ARFGEF3: variants seen among roughly 807,000 people sequenced by gnomAD.
The protein encoded by ARFGEF3 is brefeldin A-inhibited guanine nucleotide-exchange protein 3.
ARFGEF3 carries 96 observed loss-of-function variants against 221.7 expected under a neutral mutation model. That is an observed-to-expected ratio of 0.43 (90% CI 0.37 to 0.51). The LOEUF is 0.51. ARFGEF3 is among the 20% of genes least tolerant of loss of function. ARFGEF3 has a pLI of 0.00. For missense variants in ARFGEF3, 2,410 were observed against 2,789.9 expected, an observed-to-expected ratio of 0.86 and a Z score of 3.07; for synonymous variants, 1,145 against 1,126.8, an observed-to-expected ratio of 1.02 and a Z score of -0.32.
At chr6:138,325,489 C>G (rs1780110492) in intron 31 of ARFGEF3, among the ~76,000 whole-genome samples, 1 of 152,186 alleles carries the variant, frequency 6.6e-6, no homozygotes, top group African/African-American at 2.4e-5. Context: ...CCCACTGAAG[C>G]CTCCGTGGCC....
intron 29 of ARFGEF3, among the ~76,000 whole-genome samples, chr6:138,321,935 G>A (rs759331881): frequency 5.3e-5 from 8 of 152,160 alleles, no homozygotes; most frequent in Non-Finnish European, 1.2e-4. Flanking sequence ...CAATCATGGC[G>A]GAAGGCAAGG....
chr6:138,283,893 G>C (rs2114624492), intron 14 of ARFGEF3, among the ~76,000 whole-genome samples: 1 of 152,304 alleles, frequency 6.6e-6, no homozygotes, highest in South Asian at 2.1e-4. Context: ...TTTTGGTTCT[G>C]ATAGTTGCTG....
At position 138,296,859 on chromosome 6, in the gene ARFGEF3, C is replaced by A; in HGVS notation, c.3552C>A (p.Arg1184=). The change falls in exon 21 of 34, where the codon CGC becomes CGA. Residue 1184 remains arginine (R), a synonymous_variant. Transcript: ENST00000251691. ...GAAAAAGCGCCCTCCACCTGTTCCG[C>A]CTGGGGAATGCCATGCTGAGGATTG... ...QDRKSALHLF[R]LGNAMLRIVR... is the part of the protein sequence containing the mutation. 1 of 1,614,010 alleles carries A rather than the reference C, an allele frequency of 6.2e-7. No homozygotes were observed. Among genetic ancestry groups the A allele is most frequent in the Non-Finnish European group, 8.5e-7 (1 of 1,179,892 alleles).
At chr6:138,192,684 A>G (rs1777330746) in intron 2 of ARFGEF3, among the ~76,000 whole-genome samples, 1 of 152,236 alleles carries the variant, frequency 6.6e-6, no homozygotes, top group Non-Finnish European at 1.5e-5. Context: ...GCAGGACAAG[A>G]CAGAGCTGGG....
At chr6:138,200,403 C>G (rs1040035149) in intron 2 of ARFGEF3, among the ~76,000 whole-genome samples, 4 of 152,176 alleles carry the variant, frequency 2.6e-5, no homozygotes, top group Non-Finnish European at 5.9e-5. Context: ...CTGGAGGCAT[C>G]ACACTACCTG....
intron 12 of ARFGEF3, among the ~76,000 whole-genome samples, chr6:138,267,956 T>G (rs1425083094): frequency 6.6e-6 from 1 of 152,230 alleles, no homozygotes; most frequent in African/African-American, 2.4e-5. Context: ...CATCACAGTA[T>G]TTTTCTATTC....
intron 2 of ARFGEF3, among the ~76,000 whole-genome samples, chr6:138,194,077 G>C (rs545834686): frequency 4.6e-4 from 70 of 152,224 alleles, no homozygotes; most frequent in Non-Finnish European, 9.1e-4. Flanking sequence ...AGACCAGCCT[G>C]AACAACATGA....
intron 24 of ARFGEF3, among the ~76,000 whole-genome samples, chr6:138,310,960 C>T (rs748389243): frequency 4.6e-5 from 7 of 152,220 alleles, no homozygotes; most frequent in Non-Finnish European, 4.4e-5. Context: ...GAGAGAGAAG[C>T]GCTTCATTCC....
At chr6:138,269,979 T>C (rs1778972074) in intron 12 of ARFGEF3, among the ~76,000 whole-genome samples, 1 of 152,142 alleles carries the variant, frequency 6.6e-6, no homozygotes, top group Admixed American at 6.5e-5. Flanking sequence ...TCCTCAGGTT[T>C]CCTCATGAAC....
rs1037475804 is a variant in ARFGEF3 at position 138,298,410 on chromosome 6, T to C, written c.3649-196T>C. Among the ~76,000 whole-genome samples the C allele has an allele frequency of 2.6e-5, 4 of 152,258 alleles. No homozygotes were observed. In the East Asian group the frequency reaches 5.8e-4, roughly 22 times the overall value. ...AAACATTAACATGAAATTGAGGTTG[T>C]ACCTGATAAGCTGGTTGAATTGTTA... On this transcript the variant is annotated intron_variant, in intron 21 of 33. Transcript: ENST00000251691.
chr6:138,225,561 C>T (rs890857763), intron 4 of ARFGEF3, among the ~76,000 whole-genome samples: 2 of 152,188 alleles, frequency 1.3e-5, no homozygotes, highest in African/African-American at 4.8e-5. Flanking sequence ...CTCCAATAGA[C>T]GGTGCGAGTT....
chr6:138,245,030 G>A (rs931348126), intron 7 of ARFGEF3, among the ~76,000 whole-genome samples: 3 of 152,140 alleles, frequency 2.0e-5, no homozygotes, highest in Admixed American at 6.5e-5. Context: ...AGCCAGGCGC[G>A]GTGGTTCATG....
At chr6:138,234,203 C>G (rs1019118852) in intron 5 of ARFGEF3, among the ~76,000 whole-genome samples, 3 of 152,140 alleles carry the variant, frequency 2.0e-5, no homozygotes, top group Non-Finnish European at 2.9e-5. Flanking sequence ...CTCAGCCAAC[C>G]TTCTGTAGAC....
At chr6:138,272,826 T>C (rs1779029542) in intron 12 of ARFGEF3, among the ~76,000 whole-genome samples, 1 of 152,264 alleles carries the variant, frequency 6.6e-6, no homozygotes, top group South Asian at 2.1e-4. Flanking sequence ...AAAATTGGTA[T>C]AAATCTATTT....
intron 22 of ARFGEF3, among the ~76,000 whole-genome samples, chr6:138,304,083 G>A (rs139836581): frequency 6.6e-6 from 1 of 152,096 alleles, no homozygotes; most frequent in African/African-American, 2.4e-5. Context: ...TAGCCAGAAA[G>A]TTAGAAACAA....
At chr6:138,278,390 A>G (rs920499374) in intron 12 of ARFGEF3, 61 bp from the exon 13 acceptor site, 1 of 1,525,112 alleles carries the variant, frequency 6.6e-7, no homozygotes, top group Non-Finnish European at 9.0e-7. Context: ...AGCTCTCTGG[A>G]AGCCAGCCTT....
chr6:138,237,723 T>C (rs1168231036), intron 5 of ARFGEF3, among the ~76,000 whole-genome samples: 2 of 151,864 alleles, frequency 1.3e-5, no homozygotes, highest in Admixed American at 6.6e-5. Context: ...AACCTCTGGC[T>C]CTCAAATGAC....
chr6:138,307,912 C>T (rs146297850), intron 23 of ARFGEF3, among the ~76,000 whole-genome samples: 2 of 152,232 alleles, frequency 1.3e-5, no homozygotes, highest in African/African-American at 4.8e-5. Context: ...TTACACAGCT[C>T]GTGACTAAGT....
chr6:138,264,971 T>C (rs2114594687), intron 12 of ARFGEF3, among the ~76,000 whole-genome samples: 2 of 150,780 alleles, frequency 1.3e-5, no homozygotes, highest in South Asian at 4.2e-4. Flanking sequence ...TGGTGCAATC[T>C]CGGCTCACTG....
Sources: allele counts gnomAD v4.1 joint callset (sites outside exome capture counted in the v4.1 genomes callset), GRCh38; gene constraint gnomAD v4.1.1; transcripts MANE v1.5; gene names NCBI Gene and HGNC (gene_info 2026-07-23, HGNC 2026-07-21).